Variants in MGLL observed in about 807,000 individuals in gnomAD.
MGLL encodes lysophospholipase homolog.
MGLL carries 7 observed loss-of-function variants against 29.1 expected under a neutral mutation model. The ratio of observed to expected loss-of-function variants is 0.24; its 90% CI spans 0.14 to 0.45. The LOEUF is 0.45. Ranked by LOEUF, MGLL falls within the 20% of genes least tolerant of loss-of-function variation. The pLI, the probability that MGLL is intolerant of heterozygous loss-of-function variation, is 0.99. For synonymous variants in MGLL, 148 were observed against 168.3 expected (o/e 0.88, Z 0.93); for missense variants, 356 against 413.6 (o/e 0.86, Z 1.21).
chr3:127,732,796 A>G (rs552488639), intron 3 of MGLL, among the ~76,000 whole-genome samples: 2 of 152,346 alleles, frequency 1.3e-5, no homozygotes, highest in Non-Finnish European at 2.9e-5. Flanking sequence ...GGAAGTAACC[A>G]CAACAAATGG....
upstream of MGLL, chr3:127,822,790 C>A (rs759128477): frequency 6.2e-5 from 10 of 161,322 alleles, no homozygotes; most frequent in Non-Finnish European, 1.3e-4. Flanking sequence ...ATCGGAAATG[C>A]CGCTGGGAAA....
intron 2 of MGLL, among the ~76,000 whole-genome samples, chr3:127,797,928 T>G (rs933658333): frequency 3.9e-5 from 6 of 152,164 alleles, no homozygotes; most frequent in African/African-American, 1.4e-4. Flanking sequence ...TGGCCCAAAA[T>G]TCTTTATATA....
intron 6 of MGLL, among the ~76,000 whole-genome samples, chr3:127,707,147 TATAAAGA>T (rs2107601311): frequency 6.6e-6 from 1 of 152,256 alleles, no homozygotes; most frequent in South Asian, 2.1e-4. Context: ...CCAGGGTACT[TATAAAGA>T]ACAGAGACTG....
chr3:127,777,160 A>G (rs1040222793), intron 3 of MGLL, among the ~76,000 whole-genome samples: 1 of 152,194 alleles, frequency 6.6e-6, no homozygotes, highest in African/African-American at 2.4e-5. Context: ...ACTTCAACCA[A>G]TGCTTATTAA....
At position 127,703,425 on chromosome 3, in the gene MGLL, A is replaced by T. The variant is rs539026630; in HGVS notation, c.600+7151T>A. ...TGGTGACAACTGTGGAAACTGGAGCATGGATTAGATCGAGGACAACAAGGG... is the reference window on the plus strand; with the variant it reads ...TGGTGACAACTGTGGAAACTGGAGCTTGGATTAGATCGAGGACAACAAGGG... On this transcript the variant is annotated intron_variant, in intron 6 of 7. Transcript: ENST00000265052. 4.6e-5 allele frequency among the ~76,000 whole-genome samples: 7 copies of T among 152,384 alleles called. No homozygotes were observed. The South Asian group carries it at 1.4e-3, about 32-fold the overall frequency.
At chr3:127,738,432 A>C (rs979488439) in intron 3 of MGLL, among the ~76,000 whole-genome samples, 1 of 152,172 alleles carries the variant, frequency 6.6e-6, no homozygotes, top group Non-Finnish European at 1.5e-5. Context: ...TGGAATCACA[A>C]TTCTACCTCC....
chr3:127,802,439 T>G (rs1429024133), intron 2 of MGLL, among the ~76,000 whole-genome samples: 2 of 152,096 alleles, frequency 1.3e-5, no homozygotes, highest in African/African-American at 4.8e-5. Flanking sequence ...CACTTTCCCA[T>G]CCTCCTGTAA....
At chr3:127,710,074 G>A (rs891276479) in intron 6 of MGLL, among the ~76,000 whole-genome samples, 1 of 152,196 alleles carries the variant, frequency 6.6e-6, no homozygotes, top group African/African-American at 2.4e-5. Context: ...GCTGGAAAGA[G>A]GTGCTGTTTT....
upstream of MGLL, chr3:127,822,698 G>A: frequency 3.6e-6 from 1 of 278,970 alleles, no homozygotes; most frequent in Non-Finnish European, 6.8e-6. Flanking sequence ...GGTGCCCAAG[G>A]CAAAGTCGCC....
chr3:127,707,761 T>A (rs993629992), intron 6 of MGLL, among the ~76,000 whole-genome samples: 3 of 152,084 alleles, frequency 2.0e-5, no homozygotes, highest in African/African-American at 7.2e-5. Context: ...CAATAAAAAG[T>A]CCTCTTATGC....
intron 6 of MGLL, among the ~76,000 whole-genome samples, chr3:127,701,136 G>A (rs1419864319): frequency 6.7e-6 from 1 of 149,624 alleles, no homozygotes; most frequent in Non-Finnish European, 1.5e-5. Context: ...GATTGCTTGG[G>A]CCCAAAAGGT....
intron 3 of MGLL, among the ~76,000 whole-genome samples, chr3:127,740,726 C>T (rs1456057319): frequency 4.6e-5 from 7 of 152,200 alleles, no homozygotes; most frequent in African/African-American, 1.7e-4. Flanking sequence ...TGACGCTGGC[C>T]TGGAAGGAAA....
At chr3:127,821,618 C>T in intron 2 of MGLL, 76 bp downstream of exon 2, 2 of 1,562,972 alleles carry the variant, frequency 1.3e-6, no homozygotes, top group Non-Finnish European at 1.8e-6. Context: ...CCCCAGATGG[C>T]ACATGATAAC....
intron 2 of MGLL, among the ~76,000 whole-genome samples, chr3:127,786,850 G>T (rs1355565526): frequency 1.3e-5 from 2 of 152,190 alleles, no homozygotes; most frequent in Non-Finnish European, 2.9e-5. Flanking sequence ...CTGTCCACTA[G>T]GAAGCCATTT....
At chr3:127,742,744 C>T (rs1195265840) in intron 3 of MGLL, among the ~76,000 whole-genome samples, 2 of 152,172 alleles carry the variant, frequency 1.3e-5, no homozygotes, top group Non-Finnish European at 2.9e-5. Context: ...CACTACTACA[C>T]GTGACCCAAA....
At chr3:127,772,747 G>T (rs2076971007) in intron 3 of MGLL, among the ~76,000 whole-genome samples, 1 of 152,150 alleles carries the variant, frequency 6.6e-6, no homozygotes, top group South Asian at 2.1e-4. Context: ...AACCCCAAAG[G>T]TGATGGTGTT....
chr3:127,707,302 A>G (rs2075622457), intron 6 of MGLL, among the ~76,000 whole-genome samples: 1 of 152,164 alleles, frequency 6.6e-6, no homozygotes, highest in Non-Finnish European at 1.5e-5. Context: ...CCGCCTGAGT[A>G]TGTGGATGGC....
chr3:127,715,232 C>T (rs1273945049), intron 5 of MGLL, among the ~76,000 whole-genome samples: 1 of 152,202 alleles, frequency 6.6e-6, no homozygotes, highest in Non-Finnish European at 1.5e-5. Context: ...AGCAGAAGTG[C>T]CTCTGACAGG....
intron 3 of MGLL, among the ~76,000 whole-genome samples, chr3:127,729,742 G>C (rs2076114256): frequency 1.3e-5 from 2 of 152,148 alleles, no homozygotes; most frequent in Admixed American, 6.5e-5. Context: ...CCACTGGTTT[G>C]CTTATTCATG....
Sources: gnomAD v4.1 joint callset for allele counts (sites outside exome capture counted in the v4.1 genomes callset) on GRCh38, gnomAD v4.1.1 for gene constraint, MANE v1.5 for transcripts, NCBI Gene and HGNC (gene_info 2026-07-23, HGNC 2026-07-21) for gene names.